PIGK: variants seen among roughly 807,000 people sequenced by gnomAD.
PIGK encodes the protein phosphatidylinositol glycan anchor biosynthesis class K.
PIGK carries 42 observed loss-of-function variants against 50.6 expected under a neutral mutation model. The observed-to-expected ratio is 0.83, with a 90% CI of 0.65 to 1.07. PIGK has a LOEUF of 1.07. Ranked by LOEUF, PIGK falls within the 50% of genes least tolerant of loss-of-function variation. PIGK has a pLI of 0.00. For missense variants in PIGK, 448 were observed against 488.7 expected (o/e 0.92, Z 0.78); for synonymous variants, 151 against 156.0 (o/e 0.97, Z 0.24).
At chr1:77,218,349 G>A (rs1219208989) in intron 1 of PIGK, among the ~76,000 whole-genome samples, 1 of 152,160 alleles carries the variant, frequency 6.6e-6, no homozygotes, top group Non-Finnish European at 1.5e-5. Flanking sequence ...TAAAGTAATC[G>A]CAAGAGTCTA....
rs759223889 is a variant in PIGK at position 77,154,599 on chromosome 1, A to G, written c.836T>C (p.Leu279Pro). The G allele has an allele frequency of 1.3e-5, 21 of 1,612,244 alleles. No homozygotes were observed. In the Admixed American group the frequency reaches 3.3e-4, roughly 26 times the overall value. The change falls in exon 9 of 11, where the codon CTG becomes CCG. Residue 279 changes from leucine to proline, a missense_variant. Physicochemically the swap from Leu to Pro is moderately conservative, Grantham distance 98 (BLOSUM62 -3). Coordinates refer to ENST00000370812, the MANE Select transcript of PIGK (RefSeq NM_005482.3). ...NDLFQVCPKSLCVSTPGHRTD... is the reference protein window; with the variant it reads ...NDLFQVCPKSPCVSTPGHRTD... ...GCGATGTCCAGGAGTAGACACACACAGACTTTTGGGACATACCTGAAACTG... is the reference window on the plus strand; with the variant it reads ...GCGATGTCCAGGAGTAGACACACACGGACTTTTGGGACATACCTGAAACTG...
chr1:77,162,837 C>A (rs1330282544), intron 6 of PIGK, among the ~76,000 whole-genome samples: 1 of 152,062 alleles, frequency 6.6e-6, no homozygotes, highest in Non-Finnish European at 1.5e-5. Flanking sequence ...TAGAAACACC[C>A]AAAGTTAGGA....
At chr1:77,101,766 G>T (rs1653547739) in intron 10 of PIGK, among the ~76,000 whole-genome samples, 1 of 152,104 alleles carries the variant, frequency 6.6e-6, no homozygotes, top group Admixed American at 6.6e-5. Context: ...AGCACTTTGG[G>T]ATGCCAAGGC....
At chr1:77,125,924 C>T (rs558701423) in intron 9 of PIGK, among the ~76,000 whole-genome samples, 9 of 152,132 alleles carry the variant, frequency 5.9e-5, no homozygotes, top group South Asian at 2.1e-4. Context: ...CCATTCTTTA[C>T]GTCTTTTATT....
intron 3 of PIGK, 104 bp from the exon 4 acceptor site, chr1:77,169,499 T>TA (rs947482814): frequency 7.9e-4 from 662 of 834,328 alleles, no homozygotes; most frequent in Middle Eastern, 9.4e-4. Context: ...TTCTCCTCCT[T>TA]AAAAAAAAAT....
chr1:77,140,697 A>T (rs1226950737), intron 9 of PIGK, among the ~76,000 whole-genome samples: 2 of 152,026 alleles, frequency 1.3e-5, no homozygotes, highest in Non-Finnish European at 2.9e-5. Flanking sequence ...GCAGAAAAAC[A>T]AAACAAAAAA....
At position 77,169,438 on chromosome 1, in the gene PIGK, G is replaced by C; in HGVS notation, c.240-43C>G. 2 of 1,478,862 alleles carry C rather than the reference G, an allele frequency of 1.4e-6. 1 individual carries two copies. The highest frequency in any genetic ancestry group is 2.6e-5 in the South Asian group (2 of 78,218). The allele number at this position is 1,478,862 out of a possible 1,614,324, so 91.6% of individuals were successfully genotyped here. On this transcript the variant is annotated intron_variant, in intron 3 of 10. Transcript: ENST00000370812. ...AGTAAATATATAATTTAGATAAAAGGAAAAAGTTAAACACAAATTTATTTA... is the reference window on the plus strand; with the variant it reads ...AGTAAATATATAATTTAGATAAAAGCAAAAAGTTAAACACAAATTTATTTA...
intron 9 of PIGK, among the ~76,000 whole-genome samples, chr1:77,151,258 T>C (rs1654887981): frequency 6.6e-6 from 1 of 152,106 alleles, no homozygotes; most frequent in South Asian, 2.1e-4. Context: ...ATATGATAAT[T>C]TCAACAGATG....
intron 3 of PIGK, among the ~76,000 whole-genome samples, 176 bp downstream of exon 3, chr1:77,206,464 T>A (rs749014877): frequency 6.6e-6 from 1 of 152,202 alleles, no homozygotes; most frequent in Non-Finnish European, 1.5e-5. Context: ...GTCATTATGG[T>A]CTTAAGTAAC....
chr1:77,149,214 CA>C (rs1213527907), intron 9 of PIGK, among the ~76,000 whole-genome samples: 1 of 151,866 alleles, frequency 6.6e-6, no homozygotes, highest in African/African-American at 2.4e-5. Flanking sequence ...AAACAAATAA[CA>C]AAATGGCTAC....
At chr1:77,176,178 T>G (rs1327766657) in intron 3 of PIGK, among the ~76,000 whole-genome samples, 1 of 152,196 alleles carries the variant, frequency 6.6e-6, no homozygotes, top group East Asian at 1.9e-4. Flanking sequence ...CCAGTAATTC[T>G]ATTTCATATC....
At chr1:77,136,536 CA>C (rs778130093) in intron 9 of PIGK, among the ~76,000 whole-genome samples, 1,076 of 63,624 alleles carry the variant, frequency 0.017, 4 homozygotes, top group African/African-American at 0.061. Context: ...GACTCCGTCT[CA>C]AAAAAAAAAA....
chr1:77,099,580 T>G (rs1653496839), intron 10 of PIGK, among the ~76,000 whole-genome samples: 1 of 152,284 alleles, frequency 6.6e-6, no homozygotes, highest in East Asian at 1.9e-4. Flanking sequence ...TGTAATAAAG[T>G]GCTTTTTCAG....
Position 77,154,536 on chromosome 1 carries a change from A to T in PIGK, c.899T>A (p.Ile300Lys), listed in dbSNP as rs1303395940. 1 of 1,611,534 alleles carries T rather than the reference A, an allele frequency of 6.2e-7. No homozygotes were observed. Among genetic ancestry groups the T allele is most frequent in the East Asian group, 2.2e-5 (1 of 44,830 alleles). Residue 300 changes from isoleucine to lysine, a missense_variant, in exon 9 of 11, where the codon ATA becomes AAA. Coordinates refer to ENST00000370812, the MANE Select transcript of PIGK (RefSeq NM_005482.3). ...CCGTACACTTCCAAAGAAATCAGTT[A>T]TCAGTACATTTTTAGGATCCCTCTG... ...LFQRDPKNVL[I>K]TDFFGSVRKV... is the part of the protein sequence containing the mutation.
At chr1:77,160,733 G>A (rs1265861796) in intron 8 of PIGK, among the ~76,000 whole-genome samples, 1 of 152,080 alleles carries the variant, frequency 6.6e-6, no homozygotes, top group Non-Finnish European at 1.5e-5. Context: ...AAAAGAATCA[G>A]CACAAAAAAA....
chr1:77,201,191 C>T (rs1046724172), intron 3 of PIGK, among the ~76,000 whole-genome samples: 1 of 152,188 alleles, frequency 6.6e-6, no homozygotes, highest in African/African-American at 2.4e-5. Context: ...ACTTTTTCTA[C>T]TTACAGAAAC....
At chr1:77,142,378 CA>C (rs1654667812) in intron 9 of PIGK, among the ~76,000 whole-genome samples, 1 of 152,118 alleles carries the variant, frequency 6.6e-6, no homozygotes, top group South Asian at 2.1e-4. Context: ...AAGGCATTGA[CA>C]AAGTATGTTC....
intron 2 of PIGK, among the ~76,000 whole-genome samples, chr1:77,208,869 A>C (rs1011938809): frequency 3.3e-5 from 5 of 152,154 alleles, no homozygotes; most frequent in African/African-American, 1.2e-4. Context: ...TATTTTTATC[A>C]AATGTGTTTG....
chr1:77,158,279 A>G (rs781558363), intron 8 of PIGK, among the ~76,000 whole-genome samples: 1 of 150,716 alleles, frequency 6.6e-6, no homozygotes, highest in Non-Finnish European at 1.5e-5. Flanking sequence ...AACCTCCCAA[A>G]GTGCTGGGAT....
Sources: allele counts gnomAD v4.1 joint callset (sites outside exome capture counted in the v4.1 genomes callset), GRCh38; gene constraint gnomAD v4.1.1; transcripts MANE v1.5; gene names NCBI Gene and HGNC (gene_info 2026-07-23, HGNC 2026-07-21).